Variants in CPXM2 observed in about 807,000 individuals in gnomAD.
CPXM2 encodes carboxypeptidase X, M14 family member 2.
Under a neutral mutation model 86.1 loss-of-function variants are expected in CPXM2, and 66 were observed. The observed-to-expected ratio is 0.77, with a 90% CI of 0.63 to 0.94. The LOEUF (loss-of-function observed/expected upper bound fraction) is 0.94, where lower values mean the gene tolerates loss of function less well. CPXM2 is among the 40% of genes least tolerant of loss of function. The pLI is 0.00. For synonymous variants in CPXM2, 388 were observed against 400.2 expected, an observed-to-expected ratio of 0.97 and a Z score of 0.36; for missense variants, 948 against 1,026.3, an observed-to-expected ratio of 0.92 and a Z score of 1.04.
intron 3 of CPXM2, among the ~76,000 whole-genome samples, chr10:123,847,582 G>C (rs1021264214): frequency 2.6e-5 from 4 of 152,152 alleles, no homozygotes; most frequent in African/African-American, 9.7e-5. Context: ...ATTAAAAAGA[G>C]TTTCCAGTAG....
intron 4 of CPXM2, among the ~76,000 whole-genome samples, chr10:123,839,479 T>A (rs181409511): frequency 4.3e-4 from 66 of 152,300 alleles, no homozygotes; most frequent in African/African-American, 1.6e-3. Flanking sequence ...TTCTCGTGCA[T>A]CTAATAGGTG....
rs534916471 is a variant in CPXM2, at chr10:123,853,616, A to G, written c.513+8998T>C. 5.3e-5 allele frequency among the ~76,000 whole-genome samples: 8 copies of G among 152,350 alleles called. No individual in the cohort carries two copies. The East Asian group carries it at 1.5e-3, about 29-fold the overall frequency. On this transcript the variant is annotated intron_variant, in intron 3 of 13. Transcript: ENST00000241305. Reference sequence around the variant, plus strand: ...ATAATAAAATGAATAAATAAAAGAAAGAATCTGGCCAGGTGTGGCGGCTCA... The same window carrying G: ...ATAATAAAATGAATAAATAAAAGAAGGAATCTGGCCAGGTGTGGCGGCTCA...
intron 2 of CPXM2, chr10:123,913,852 C>T (rs958947481): frequency 1.3e-5 from 5 of 378,374 alleles, no homozygotes; most frequent in African/African-American, 1.1e-4. Context: ...GGCATACTTC[C>T]AAGCACCATC....
chr10:123,884,415 C>T (rs1002397342), intron 1 of CPXM2, among the ~76,000 whole-genome samples: 10 of 152,222 alleles, frequency 6.6e-5, no homozygotes, highest in African/African-American at 2.4e-4. Context: ...AACGCCTGCT[C>T]TGTGCGATGT....
intron 3 of CPXM2, among the ~76,000 whole-genome samples, chr10:123,847,406 A>T (rs2134164686): frequency 6.6e-6 from 1 of 152,220 alleles, no homozygotes; most frequent in East Asian, 1.9e-4. Context: ...CAGGCCTGTA[A>T]TCTCAGCCAC....
intron 4 of CPXM2, among the ~76,000 whole-genome samples, chr10:123,801,299 G>A (rs963149991): frequency 6.6e-6 from 1 of 152,186 alleles, no homozygotes; most frequent in Admixed American, 6.5e-5. Context: ...GCCGCCAGGT[G>A]AGACATGACT....
intron 13 of CPXM2, among the ~76,000 whole-genome samples, chr10:123,748,253 T>G (rs1846006837): frequency 6.6e-6 from 1 of 152,160 alleles, no homozygotes; most frequent in South Asian, 2.1e-4. Context: ...CTGAATGTCC[T>G]GCCCAGTCTA....
chr10:123,873,467 A>C (rs1406188749), intron 2 of CPXM2, among the ~76,000 whole-genome samples: 1 of 152,206 alleles, frequency 6.6e-6, no homozygotes, highest in East Asian at 1.9e-4. Context: ...ATGCAAATCT[A>C]AATCAAAATT....
At chr10:123,829,951 G>GAAAA (rs59952078) in intron 4 of CPXM2, among the ~76,000 whole-genome samples, 3 of 114,184 alleles carry the variant, frequency 2.6e-5, no homozygotes. Context: ...AGCCATTTGA[G>GAAAA]AAAAAAAAAA....
At chr10:123,768,112 G>T (rs541000254) in intron 9 of CPXM2, among the ~76,000 whole-genome samples, 4 of 152,170 alleles carry the variant, frequency 2.6e-5, no homozygotes, top group East Asian at 1.9e-4. Flanking sequence ...GTGTGGCCAG[G>T]CACGGTGGCT....
At chr10:123,859,970 A>G (rs1848818116) in intron 3 of CPXM2, among the ~76,000 whole-genome samples, 1 of 152,072 alleles carries the variant, frequency 6.6e-6, no homozygotes, top group Non-Finnish European at 1.5e-5. Flanking sequence ...CACCATCTGC[A>G]CCTCAGCCAG....
chr10:123,801,199 C>G (rs754785568), intron 4 of CPXM2, among the ~76,000 whole-genome samples: 1 of 152,182 alleles, frequency 6.6e-6, no homozygotes, highest in Non-Finnish European at 1.5e-5. Flanking sequence ...GGGGCAGGTT[C>G]TTCCCATCTC....
Position 123,891,088 on chromosome 10 carries a change from A to G in CPXM2, c.304+268T>C, listed in dbSNP as rs1277583771. On this transcript the variant is annotated intron_variant, in intron 1 of 13. Transcript: ENST00000241305. This position sits in a 1 kb window ranked among gnomAD's most constrained non-coding sequence, Gnocchi z 5.6. ...GCTTGAAACAAGAACTTTGACTCTCATAGGCAGCCTCCCAATTGCACAGCT... is the reference window on the plus strand; with the variant it reads ...GCTTGAAACAAGAACTTTGACTCTCGTAGGCAGCCTCCCAATTGCACAGCT... Among the ~76,000 whole-genome samples, 1 of 152,256 alleles carries G rather than the reference A, an allele frequency of 6.6e-6. No individual in the cohort carries two copies. Among genetic ancestry groups the G allele is most frequent in the African/African-American group, 2.4e-5 (1 of 41,480 alleles).
intron 4 of CPXM2, among the ~76,000 whole-genome samples, chr10:123,819,264 G>A (rs1178351564): frequency 1.3e-5 from 2 of 152,158 alleles, no homozygotes; most frequent in Non-Finnish European, 2.9e-5. Context: ...ACTGTGCCCT[G>A]TGATTAGGGT....
rs1173628388 is a variant in CPXM2 at position 123,874,448 on chromosome 10, AC to A, written c.403+5762del. Among the ~76,000 whole-genome samples the A allele has an allele frequency of 3.3e-5, 5 of 151,962 alleles. No homozygotes were observed. The East Asian group carries it at 9.7e-4, about 29-fold the overall frequency. ...CTTGTGGGTTAGCATTTCAACAAAC[AC>A]ATTCTGTGGGGACATGATCAGTTTA... On this transcript the variant is annotated intron_variant, in intron 2 of 13. Transcript: ENST00000241305.
At position 123,754,827 on chromosome 10, in the gene CPXM2, A is replaced by T. The variant is rs17105933; in HGVS notation, c.1918-65T>A. On this transcript the variant is annotated intron_variant, in intron 12 of 13. Transcript: ENST00000241305. This position sits in a 1 kb window ranked among gnomAD's most constrained non-coding sequence, Gnocchi z 4.0. The stretch of plus-strand genomic sequence containing the variant: ...CAGCTCTGGACACAACCGGCACAAC[A>T]GAGTGGGCTGTCAACCCACCATTGG... 1.1e-6 allele frequency: 1 copy of T among 899,064 alleles called. No homozygotes were observed. Among genetic ancestry groups the T allele is most frequent in the Non-Finnish European group, 1.9e-6 (1 of 531,918 alleles). 55.7% of individuals were successfully genotyped at this position (899,064 alleles called of 1,614,324 possible).
intron 2 of CPXM2, among the ~76,000 whole-genome samples, chr10:123,929,065 G>A (rs936274294): frequency 6.6e-6 from 1 of 152,190 alleles, no homozygotes; most frequent in Non-Finnish European, 1.5e-5. Flanking sequence ...AGGGAATCCT[G>A]GAGAAGCCAG....
intron 4 of CPXM2, among the ~76,000 whole-genome samples, chr10:123,828,226 T>G (rs904233453): frequency 2.6e-5 from 4 of 152,046 alleles, no homozygotes; most frequent in African/African-American, 9.7e-5. Context: ...CATACAAATA[T>G]GTCCAACCGA....
At chr10:123,838,080 T>C (rs1848314407) in intron 4 of CPXM2, among the ~76,000 whole-genome samples, 1 of 152,232 alleles carries the variant, frequency 6.6e-6, no homozygotes, top group African/African-American at 2.4e-5. Context: ...GTGCTTATTG[T>C]AGAGTGCTTG....
Sources: gnomAD v4.1 joint callset for allele counts (sites outside exome capture counted in the v4.1 genomes callset) on GRCh38, gnomAD v4.1.1 for gene constraint, Gnocchi (gnomAD v3.1) non-coding constraint, MANE v1.5 for transcripts, NCBI Gene and HGNC (gene_info 2026-07-23, HGNC 2026-07-21) for gene names.